SUPT16H: variants seen among roughly 807,000 people sequenced by gnomAD.
The protein encoded by SUPT16H is SPT16 homolog, facilitates chromatin remodeling subunit, also known as FACT complex subunit SPT16.
Under a neutral mutation model 136.2 loss-of-function variants are expected in SUPT16H, and 24 were observed. That is an observed-to-expected ratio of 0.18 (90% confidence interval 0.13 to 0.25). SUPT16H has a LOEUF of 0.25. SUPT16H is among the 10% of genes least tolerant of loss of function. SUPT16H has a pLI of 1.00. For missense variants in SUPT16H, 623 were observed against 1,270.2 expected, an observed-to-expected ratio of 0.49 and a Z score of 7.74; for synonymous variants, 415 against 428.2, an observed-to-expected ratio of 0.97 and a Z score of 0.38.
At chr14:21,352,907 C>T in intron 25 of SUPT16H, 89 bp from the exon 26 acceptor site, 1 of 1,557,608 alleles carries the variant, frequency 6.4e-7, no homozygotes, top group Non-Finnish European at 8.8e-7. Flanking sequence ...AGAGAATACA[C>T]TTTGGAATCA....
intron 18 of SUPT16H, 84 bp from the exon 19 acceptor site, chr14:21,359,693 C>T: frequency 6.6e-7 from 1 of 1,522,162 alleles, no homozygotes; most frequent in South Asian, 1.3e-5. Context: ...AAACTTGGGC[C>T]TCCACAGCAT....
intron 1 of SUPT16H, chr14:21,382,949 G>A (rs1594314497): frequency 1.3e-5 from 2 of 152,240 alleles, no homozygotes; most frequent in East Asian, 3.9e-4. Flanking sequence ...ATGCTGAAAT[G>A]AGAGCTGATC....
chr14:21,372,701 G>C (rs1390706111), intron 2 of SUPT16H: 4 of 453,816 alleles, frequency 8.8e-6, no homozygotes, highest in African/African-American at 6.0e-5. Flanking sequence ...ACTGGAAAAA[G>C]CCTGGGTCCC....
intron 22 of SUPT16H, 151 bp downstream of exon 22, chr14:21,357,046 A>T: frequency 1.5e-6 from 1 of 661,028 alleles, no homozygotes; most frequent in Non-Finnish European, 2.2e-6. Context: ...GTTATCTAAT[A>T]GATCTCAAGT....
In SUPT16H at chr14:21,353,432, TG is replaced by T. The variant is rs1396377057; in HGVS notation, c.2998+55del. The T allele has an allele frequency of 8.5e-6, 13 of 1,537,628 alleles. No homozygotes were observed. In the African/African-American group the frequency reaches 1.6e-4, roughly 19 times the overall value. On this transcript the variant is annotated intron_variant, in intron 25 of 25. Transcript: ENST00000216297. ...ATACTAACACCTCAAAATATTGAAA[TG>T]TGTTAGAAATTTGTGCGTAGACAAA...
At chr14:21,372,344 G>A (rs918427919) in intron 2 of SUPT16H, 10 of 337,552 alleles carry the variant, frequency 3.0e-5, no homozygotes, top group Non-Finnish European at 5.5e-5. Context: ...GTATATCAAT[G>A]TTTAGTGATA....
Position 21,368,272 on chromosome 14 carries a change from G to A in SUPT16H, c.952C>T (p.His318Tyr). ...LQEELLKELR[H>Y]GVKICDVYNA... ...CTCCTTTTCTAAGGCACCTCACCAT[G>A]TCTTAATTCCTTCAGCAGCTCCTCT... The change falls in exon 7 of 26, where the codon CAT becomes TAT. Residue 318 changes from histidine (H) to tyrosine (Y), a missense_variant. This residue lies in a region of SUPT16H where 343 missense variants were observed against 525.7 expected (regional missense o/e 0.65). Transcript: ENST00000216297. 1 of 1,611,284 alleles carries A rather than the reference G, an allele frequency of 6.2e-7. No homozygotes were observed. The highest frequency in any genetic ancestry group is 8.5e-7 in the Non-Finnish European group (1 of 1,178,906).
chr14:21,356,022 G>T (rs1482857303), intron 22 of SUPT16H, among the ~76,000 whole-genome samples: 1 of 152,196 alleles, frequency 6.6e-6, no homozygotes, highest in African/African-American at 2.4e-5. Context: ...TTGAACATTT[G>T]CCCCAGTTTT....
intron 10 of SUPT16H, among the ~76,000 whole-genome samples, chr14:21,363,823 C>A (rs749254790): frequency 1.3e-5 from 2 of 152,054 alleles, no homozygotes; most frequent in Admixed American, 1.3e-4. Flanking sequence ...GAATTACAGA[C>A]GCGCACCACC....
At chr14:21,366,949 C>CTTTT (rs1009300037) in intron 7 of SUPT16H, among the ~76,000 whole-genome samples, 2 of 146,850 alleles carry the variant, frequency 1.4e-5, no homozygotes, top group Non-Finnish European at 3.0e-5. Flanking sequence ...TGGCCCCATT[C>CTTTT]TTTTTTTTTT....
intron 1 of SUPT16H, chr14:21,383,340 C>A (rs1887079302): frequency 4.6e-6 from 2 of 438,654 alleles, no homozygotes; most frequent in Non-Finnish European, 4.1e-6. Flanking sequence ...GAACATGAGG[C>A]GGTTGCGCGT....
chr14:21,362,970 CTG>C lies in SUPT16H; in HGVS notation c.1512-25_1512-24del, dbSNP rs747402690. On this transcript the variant is annotated intron_variant, in intron 13 of 25. Transcript: ENST00000216297. The stretch of plus-strand genomic sequence containing the variant: ...GCTCTGGAGTGGGATAAAAAAACAA[CTG>C]AGAAATTTCTGCAGTCCCACAGAAC... 7.4e-6 allele frequency: 12 copies of C among 1,612,964 alleles called. No homozygotes were observed. The South Asian group carries it at 7.7e-5, about 10-fold the overall frequency.
chr14:21,355,202 G>A (rs1180803055), intron 22 of SUPT16H, among the ~76,000 whole-genome samples: 1 of 151,976 alleles, frequency 6.6e-6, no homozygotes, highest in Non-Finnish European at 1.5e-5. Flanking sequence ...TAAGAAATAG[G>A]GACAATTTTC....
chr14:21,352,970 AAAGGGAGAATTATTT>A, intron 25 of SUPT16H, 152 bp from the exon 26 acceptor site: 1 of 1,057,520 alleles, frequency 9.5e-7, no homozygotes, highest in Non-Finnish European at 1.4e-6. Flanking sequence ...TTTATTTACA[AAAGGGAGAATTATTT>A]AAGGGTTAAA....
intron 22 of SUPT16H, 123 bp downstream of exon 22, chr14:21,357,074 T>C (rs1886450939): frequency 9.5e-7 from 1 of 1,047,602 alleles, no homozygotes. Context: ...TCCTGGTCTG[T>C]AACAACCAAA....
chr14:21,368,524 C>A, intron 6 of SUPT16H, 83 bp from the exon 7 acceptor site: 2 of 1,392,886 alleles, frequency 1.4e-6, no homozygotes, highest in South Asian at 1.6e-5. Flanking sequence ...TATCAATAAT[C>A]ATTACTTTTC....
chr14:21,378,967 G>A (rs937071340), intron 1 of SUPT16H, among the ~76,000 whole-genome samples: 2 of 152,154 alleles, frequency 1.3e-5, no homozygotes. Flanking sequence ...AAATAGTGCA[G>A]CAGCAGAACA....
In SUPT16H at chr14:21,352,696, G is replaced by A. The variant is rs1886340998; in HGVS notation, c.3121C>T (p.Pro1041Ser). Residue 1041 changes from proline to serine, a missense_variant, in exon 26 of 26, where the codon CCC becomes TCC. Pro to Ser is a moderately conservative substitution (Grantham distance 74). Around this residue, in one of 7 missense-constraint regions of SUPT16H, gnomAD observed 88 missense variants for 135.5 expected, o/e 0.65. Transcript: ENST00000216297. The stretch of plus-strand genomic sequence containing the variant: ...AGTTACTTCCTCTTTTTCTTGGGGG[G>A]TGCAGAGCTGTGTCTGGAACCACGG... ...SNRGSRHSSA[P>S]PKKKRK 3 of 1,614,012 alleles carry A rather than the reference G, an allele frequency of 1.9e-6. No individual in the cohort carries two copies. The highest frequency in any genetic ancestry group is 1.7e-5 in the Admixed American group (1 of 59,998).
rs1182285794 is a variant in SUPT16H, at chr14:21,352,491, C to T, written c.*182G>A. 1.3e-5 allele frequency: 12 copies of T among 913,528 alleles called. No homozygotes were observed. Among genetic ancestry groups the T allele is most frequent in the East Asian group, 2.5e-5 (1 of 40,504 alleles). The allele number at this position is 913,528 out of a possible 1,614,324, so 56.6% of individuals were successfully genotyped here. ...TGCCATCTGAATGGGGCCATTGGCA[C>T]GTGTCCTGGTGGGCCTGGAATTCCC... is the stretch of plus-strand genomic sequence containing the variant. On this transcript the variant is annotated 3_prime_UTR_variant, in exon 26 of 26. Coordinates refer to ENST00000216297, the MANE Select transcript of SUPT16H (RefSeq NM_007192.4).
Sources: allele counts gnomAD v4.1 joint callset (sites outside exome capture counted in the v4.1 genomes callset), GRCh38; gene constraint gnomAD v4.1.1; regional missense constraint gnomAD v4.1.1; transcripts MANE v1.5; gene names NCBI Gene and HGNC (gene_info 2026-07-23, HGNC 2026-07-21).